The following CATSPER3 variants were observed in gnomAD, a reference collection of about 807,000 sequenced individuals.
CATSPER3 encodes the protein cation channel sperm associated 3, also known as cation channel sperm-associated protein 3.
Under a neutral mutation model 36.6 loss-of-function variants are expected in CATSPER3, and 23 were observed. The ratio of observed to expected loss-of-function variants is 0.63; its 90% CI spans 0.45 to 0.89. The LOEUF is 0.89. Ranked by LOEUF, CATSPER3 falls within the 40% of genes least tolerant of loss-of-function variation. CATSPER3 has a pLI of 0.00. For missense variants in CATSPER3, 474 were observed against 503.9 expected (o/e 0.94, Z 0.57); for synonymous variants, 172 against 184.1 (o/e 0.93, Z 0.53).
At chr5:135,005,874 C>G (rs982860259) in intron 3 of CATSPER3, among the ~76,000 whole-genome samples, 2 of 152,220 alleles carry the variant, frequency 1.3e-5, no homozygotes, top group African/African-American at 2.4e-5. Context: ...TCATCTTCCA[C>G]ACATCCAATG....
intron 3 of CATSPER3, among the ~76,000 whole-genome samples, chr5:135,005,118 G>A (rs768310517): frequency 7.2e-5 from 11 of 152,104 alleles, no homozygotes; most frequent in Non-Finnish European, 1.5e-4. Context: ...GGAAGAAAGG[G>A]GCATTGACCC....
intron 4 of CATSPER3, 60 bp from the exon 5 acceptor site, chr5:135,008,781 G>A (rs1050637893): frequency 2.0e-6 from 3 of 1,512,256 alleles, no homozygotes; most frequent in Non-Finnish European, 1.8e-6. Context: ...TAGCATAGGT[G>A]AAAAGGAGGC....
intron 2 of CATSPER3, among the ~76,000 whole-genome samples, chr5:134,980,515 C>T (rs1751738045): frequency 1.3e-5 from 2 of 150,038 alleles, no homozygotes; most frequent in South Asian, 2.1e-4. Context: ...ACTGCAACCT[C>T]CAGCTCCCTG....
At chr5:134,980,556 G>A (rs1170077079) in intron 2 of CATSPER3, among the ~76,000 whole-genome samples, 2 of 149,830 alleles carry the variant, frequency 1.3e-5, no homozygotes, top group Non-Finnish European at 3.0e-5. Context: ...TCAGCCTCCC[G>A]AGTAGCTGGG....
intron 3 of CATSPER3, among the ~76,000 whole-genome samples, chr5:135,006,349 G>A (rs1299059329): frequency 6.6e-6 from 1 of 152,180 alleles, no homozygotes; most frequent in Non-Finnish European, 1.5e-5. Flanking sequence ...GAGGTGGGAG[G>A]CCCAACCAGG....
chr5:135,003,620 C>T (rs1322939993), intron 3 of CATSPER3, among the ~76,000 whole-genome samples: 5 of 152,334 alleles, frequency 3.3e-5, no homozygotes, highest in South Asian at 2.1e-4. Context: ...GCTTCCCAGC[C>T]GCTTTGTTTA....
intron 2 of CATSPER3, among the ~76,000 whole-genome samples, chr5:134,972,072 G>C (rs563880587): frequency 1.2e-4 from 18 of 152,290 alleles, no homozygotes; most frequent in Middle Eastern, 3.4e-3. Context: ...AGAAAAAAGA[G>C]AATGAGGTAG....
intron 2 of CATSPER3, among the ~76,000 whole-genome samples, chr5:134,973,592 G>A (rs936276681): frequency 6.6e-6 from 1 of 152,160 alleles, no homozygotes; most frequent in Admixed American, 6.5e-5. Flanking sequence ...ATAGACATTA[G>A]CAAGGAAGCT....
chr5:134,999,498 G>T (rs1751994107), intron 3 of CATSPER3, among the ~76,000 whole-genome samples: 1 of 152,138 alleles, frequency 6.6e-6, no homozygotes, highest in Non-Finnish European at 1.5e-5. Flanking sequence ...ATTACCTTGG[G>T]CAGTATGGCC....
At chr5:135,008,724 A>G in intron 4 of CATSPER3, 117 bp from the exon 5 acceptor site, 1 of 822,848 alleles carries the variant, frequency 1.2e-6, no homozygotes. Flanking sequence ...TGAGGGGATG[A>G]CGTGGAAGCG....
chr5:134,976,109 G>C (rs948322098), intron 2 of CATSPER3, among the ~76,000 whole-genome samples: 1 of 152,160 alleles, frequency 6.6e-6, no homozygotes, highest in African/African-American at 2.4e-5. Flanking sequence ...TTTTTGCATT[G>C]CTATAAAGAA....
chr5:134,975,135 C>T (rs1751652030), intron 2 of CATSPER3: 1 of 152,110 alleles, frequency 6.6e-6, no homozygotes, highest in South Asian at 2.1e-4. Flanking sequence ...ATACAACTTA[C>T]AGGGTGGTGG....
chr5:135,003,420 AGTCT>A (rs1288959117), intron 3 of CATSPER3, among the ~76,000 whole-genome samples: 2 of 151,946 alleles, frequency 1.3e-5, no homozygotes, highest in Non-Finnish European at 2.9e-5. Context: ...TTGAGGAGGC[AGTCT>A]GTCCATTCTG....
chr5:134,978,100 G>A (rs1751697058), intron 2 of CATSPER3, among the ~76,000 whole-genome samples: 1 of 152,292 alleles, frequency 6.6e-6, no homozygotes, highest in Admixed American at 6.5e-5. Context: ...GAGATTGGGA[G>A]GAGACGAACA....
intron 3 of CATSPER3, among the ~76,000 whole-genome samples, chr5:135,005,866 A>G (rs553524503): frequency 2.0e-5 from 3 of 152,200 alleles, no homozygotes; most frequent in South Asian, 4.1e-4. Context: ...GGGCCAGATC[A>G]TCTTCCACAC....
intron 2 of CATSPER3, among the ~76,000 whole-genome samples, chr5:134,981,679 T>C (rs914178650): frequency 6.6e-6 from 1 of 152,148 alleles, no homozygotes; most frequent in African/African-American, 2.4e-5. Flanking sequence ...GAATTTGATT[T>C]CCAAACTTAC....
chr5:134,976,500 T>A (rs899822392), intron 2 of CATSPER3, among the ~76,000 whole-genome samples: 1 of 152,228 alleles, frequency 6.6e-6, no homozygotes, highest in Non-Finnish European at 1.5e-5. Flanking sequence ...ACTCCCTGTG[T>A]CTGCTCTCAT....
At chr5:134,971,880 G>A (rs555799622) in intron 2 of CATSPER3, among the ~76,000 whole-genome samples, 5 of 152,274 alleles carry the variant, frequency 3.3e-5, no homozygotes, top group Admixed American at 1.3e-4. Context: ...AAGCTACTGC[G>A]TTTTTAAACA....
chr5:134,977,549 T>G (rs768899240), intron 2 of CATSPER3, among the ~76,000 whole-genome samples: 9 of 152,198 alleles, frequency 5.9e-5, no homozygotes, highest in Non-Finnish European at 1.3e-4. Flanking sequence ...AGCATTTTGG[T>G]CACAACCATT....
Sources: allele counts gnomAD v4.1 joint callset (sites outside exome capture counted in the v4.1 genomes callset), GRCh38; gene constraint gnomAD v4.1.1; transcripts MANE v1.5; gene names NCBI Gene and HGNC (gene_info 2026-07-23, HGNC 2026-07-21).